ROR1: variants seen among roughly 807,000 people sequenced by gnomAD.
The protein encoded by ROR1 is ROR family WNT receptor 1, also known as inactive tyrosine-protein kinase transmembrane receptor ROR1.
A neutral mutation model predicts 78.8 loss-of-function variants in ROR1; 19 were observed. That is an observed-to-expected ratio of 0.24 (90% CI 0.17 to 0.35). The LOEUF (loss-of-function observed/expected upper bound fraction) is 0.35. Among genes scored for constraint, ROR1 ranks in the 10% least tolerant of loss-of-function variants. The pLI is 1.00. For missense variants in ROR1, 917 were observed against 1,177.8 expected (o/e 0.78, Z 3.24); for synonymous variants, 386 against 433.6 (o/e 0.89, Z 1.36).
intron 1 of ROR1, among the ~76,000 whole-genome samples, chr1:63,804,746 T>G (rs1174089386): frequency 2.0e-5 from 3 of 152,190 alleles, no homozygotes; most frequent in Admixed American, 2.0e-4. Flanking sequence ...CTTATCTCAG[T>G]GCAGAGGGGA....
At chr1:64,078,950 AAGG>A (rs1309300481) in intron 4 of ROR1, among the ~76,000 whole-genome samples, 2 of 152,244 alleles carry the variant, frequency 1.3e-5, no homozygotes, top group African/African-American at 4.8e-5. Context: ...GGAGTGTTCA[AAGG>A]AGGAGGAGGA....
chr1:64,096,358 T>A (rs1294869729), intron 4 of ROR1, among the ~76,000 whole-genome samples: 1 of 152,096 alleles, frequency 6.6e-6, no homozygotes, highest in African/African-American at 2.4e-5. Flanking sequence ...TAGTATACAT[T>A]AGTTATTTTT....
intron 1 of ROR1, among the ~76,000 whole-genome samples, chr1:63,957,978 A>G (rs904060882): frequency 2.0e-5 from 3 of 152,030 alleles, no homozygotes; most frequent in African/African-American, 7.2e-5. Flanking sequence ...TTCTGATCTC[A>G]TAATCTGCCT....
chr1:63,783,437 A>G (rs1458783354), intron 1 of ROR1, among the ~76,000 whole-genome samples: 67 of 152,124 alleles, frequency 4.4e-4, no homozygotes, highest in Admixed American at 4.4e-3. Flanking sequence ...TATACTAATA[A>G]TTAACACACT....
At chr1:64,005,878 G>A (rs1213381284) in intron 1 of ROR1, among the ~76,000 whole-genome samples, 1 of 152,086 alleles carries the variant, frequency 6.6e-6, no homozygotes, top group Non-Finnish European at 1.5e-5. Context: ...AGCTGAACAC[G>A]TGGTTATCTA....
intron 4 of ROR1, among the ~76,000 whole-genome samples, chr1:64,118,632 C>CAAAAAAA (rs3084938): frequency 4.6e-5 from 3 of 65,850 alleles, no homozygotes; most frequent in African/African-American, 1.1e-4. Context: ...GACTCCATCT[C>CAAAAAAA]AAAAAAAAAA....
At chr1:63,961,920 A>G (rs887573404) in intron 1 of ROR1, among the ~76,000 whole-genome samples, 2 of 152,226 alleles carry the variant, frequency 1.3e-5, no homozygotes, top group African/African-American at 2.4e-5. Context: ...ATCACTATGC[A>G]TTGTGTACAT....
chr1:64,096,094 T>C (rs541628570), intron 4 of ROR1, among the ~76,000 whole-genome samples: 1 of 152,298 alleles, frequency 6.6e-6, no homozygotes, highest in African/African-American at 2.4e-5. Context: ...CAATATGATA[T>C]CATTCTTAAA....
chr1:63,966,227 C>T lies in ROR1; in HGVS notation c.92-43078C>T, dbSNP rs113709349. On this transcript the variant is annotated intron_variant, in intron 1 of 8. Coordinates refer to ENST00000371079, the MANE Select transcript of ROR1 (RefSeq NM_005012.4). ...TAATATGCTCAGCAATTGGAGATGC[C>T]GCTCTCTTGGTTCAGTTACTCAGAG... 8.0e-3 allele frequency among the ~76,000 whole-genome samples: 1,214 copies of T among 152,240 alleles called. 13 individuals carry two copies. Among genetic ancestry groups the T allele is most frequent in the African/African-American group, 0.026 (1,063 of 41,526 alleles).
At chr1:63,784,710 T>A (rs1371326056) in intron 1 of ROR1, among the ~76,000 whole-genome samples, 1 of 152,104 alleles carries the variant, frequency 6.6e-6, no homozygotes, top group Non-Finnish European at 1.5e-5. Flanking sequence ...TTTCCTCACG[T>A]GTAAAATGGG....
At chr1:63,820,904 G>A (rs1213110132) in intron 1 of ROR1, among the ~76,000 whole-genome samples, 1 of 152,160 alleles carries the variant, frequency 6.6e-6, no homozygotes, top group Non-Finnish European at 1.5e-5. Flanking sequence ...GCAGAGATGG[G>A]ACTTGAATTC....
intron 4 of ROR1, among the ~76,000 whole-genome samples, chr1:64,097,577 A>ATAT (rs1647348258): frequency 6.6e-6 from 1 of 150,702 alleles, no homozygotes; most frequent in Non-Finnish European, 1.5e-5. Context: ...TTCATATAGT[A>ATAT]TATATATATA....
chr1:64,073,285 A>C (rs1557638647), intron 4 of ROR1, among the ~76,000 whole-genome samples: 1 of 152,148 alleles, frequency 6.6e-6, no homozygotes, highest in Non-Finnish European at 1.5e-5. Context: ...TTGCCCAATC[A>C]GTCAGAAGAT....
At chr1:63,917,359 GA>G (rs1645616980) in intron 1 of ROR1, among the ~76,000 whole-genome samples, 2 of 151,926 alleles carry the variant, frequency 1.3e-5, no homozygotes, top group African/African-American at 2.4e-5. Context: ...CAAACAGGAA[GA>G]AAAAAAGCAA....
rs541763200 is a variant in ROR1, at chr1:63,881,709, T to C, written c.91+107201T>C. ...ACTCACCAGGTGTTTATTGAGTTAATTTTACGCCAGACACTTTGCTAGGCC... is the reference window on the plus strand; with the variant it reads ...ACTCACCAGGTGTTTATTGAGTTAACTTTACGCCAGACACTTTGCTAGGCC... On this transcript the variant is annotated intron_variant, in intron 1 of 8. Coordinates refer to ENST00000371079, the MANE Select transcript of ROR1 (RefSeq NM_005012.4). 5.3e-5 allele frequency among the ~76,000 whole-genome samples: 8 copies of C among 152,274 alleles called. No homozygotes were observed. In the South Asian group the frequency reaches 1.7e-3, roughly 32 times the overall value.
chr1:63,810,228 T>A (rs1316029481), intron 1 of ROR1, among the ~76,000 whole-genome samples: 1 of 152,226 alleles, frequency 6.6e-6, no homozygotes, highest in Admixed American at 6.5e-5. Flanking sequence ...TGGGTTGATT[T>A]GGGGGAGGAA....
intron 1 of ROR1, chr1:63,843,208 C>G: frequency 2.0e-6 from 3 of 1,465,926 alleles, no homozygotes; most frequent in South Asian, 1.1e-5. Flanking sequence ...GGCTTGTCCT[C>G]TAGGGAGATG....
At chr1:64,142,715 T>C in intron 7 of ROR1, 65 bp downstream of exon 7, 1 of 1,590,802 alleles carries the variant, frequency 6.3e-7, no homozygotes, top group Non-Finnish European at 8.6e-7. Flanking sequence ...CTACCCCTCT[T>C]ATTTAGGAGA....
intron 4 of ROR1, among the ~76,000 whole-genome samples, chr1:64,063,528 C>T (rs1001549334): frequency 6.6e-6 from 1 of 152,118 alleles, no homozygotes; most frequent in Admixed American, 6.5e-5. Flanking sequence ...TTTTCAGTGT[C>T]AGTGTTGACA....
Sources: gnomAD v4.1 joint callset for allele counts (sites outside exome capture counted in the v4.1 genomes callset) on GRCh38, gnomAD v4.1.1 for gene constraint, MANE v1.5 for transcripts, NCBI Gene and HGNC (gene_info 2026-07-23, HGNC 2026-07-21) for gene names.